BPGM: variants seen among roughly 807,000 people sequenced by gnomAD.
BPGM encodes 2,3-bisphosphoglycerate mutase, erythrocyte.
A neutral mutation model predicts 21.6 loss-of-function variants in BPGM; 15 were observed. The ratio of observed to expected loss-of-function variants is 0.70; its 90% CI spans 0.47 to 1.07. BPGM has a LOEUF of 1.07. Among genes scored for constraint, BPGM ranks in the 50% least tolerant of loss-of-function variants. The probability of loss-of-function intolerance (pLI) is 0.00; values close to 1 mark genes in which losing one functional copy is unlikely to be tolerated. For synonymous variants in BPGM, 113 were observed against 116.2 expected, an observed-to-expected ratio of 0.97 and a Z score of 0.18; for missense variants, 273 against 319.0, an observed-to-expected ratio of 0.86 and a Z score of 1.10.
intron 2 of BPGM, among the ~76,000 whole-genome samples, chr7:134,667,861 T>G (rs1795843924): frequency 6.6e-6 from 1 of 152,196 alleles, no homozygotes. Flanking sequence ...TGGTAACGGA[T>G]AGCATCAATG....
chr7:134,653,019 T>C (rs1045227775), intron 1 of BPGM, among the ~76,000 whole-genome samples: 15 of 152,198 alleles, frequency 9.9e-5, no homozygotes, highest in African/African-American at 3.6e-4. Context: ...ATCATATGTC[T>C]ACTACCTGTT....
At chr7:134,648,211 C>T (rs1445412213) in intron 1 of BPGM, among the ~76,000 whole-genome samples, 2 of 150,760 alleles carry the variant, frequency 1.3e-5, no homozygotes, top group Admixed American at 6.6e-5. Flanking sequence ...TATTGGCTCA[C>T]CGCAACCTCC....
chr7:134,663,369 T>TGC (rs1795766445), intron 2 of BPGM, among the ~76,000 whole-genome samples: 1 of 29,624 alleles, frequency 3.4e-5, no homozygotes, highest in African/African-American at 2.1e-4. Context: ...GCACTTGATA[T>TGC]GTGTGTGTGT....
chr7:134,662,082 G>A lies in BPGM; in HGVS notation c.575G>A (p.Ser192Asn), dbSNP rs1379114395. The A allele has an allele frequency of 4.3e-6, 7 of 1,614,038 alleles. No homozygotes were observed. The Admixed American group carries it at 1.0e-4, about 23-fold the overall frequency. The change falls in exon 2 of 3, where the codon AGT becomes AAT. Residue 192 changes from serine to asparagine, a missense_variant. Ser to Asn is a conservative substitution (Grantham distance 46). Transcript: ENST00000344924. ...CTGATATCTGCTCATGGAAATAGCA[G>A]TAGGGCACTCCTAAAACACCTGGAA... ...TILISAHGNS[S>N]RALLKHLEGI...
chr7:134,667,645 G>A (rs1795840660), intron 2 of BPGM, among the ~76,000 whole-genome samples: 1 of 152,190 alleles, frequency 6.6e-6, no homozygotes, highest in Non-Finnish European at 1.5e-5. Flanking sequence ...AAGCACAAAA[G>A]TTGCTAAATT....
intron 2 of BPGM, 54 bp downstream of exon 2, chr7:134,662,162 T>G (rs1311144992): frequency 6.2e-7 from 1 of 1,608,588 alleles, no homozygotes; most frequent in Non-Finnish European, 8.5e-7. Context: ...TATCTAGGCC[T>G]TAATCTAGAA....
intron 2 of BPGM, among the ~76,000 whole-genome samples, chr7:134,663,029 G>A (rs1795761002): frequency 1.3e-5 from 2 of 152,148 alleles, no homozygotes; most frequent in African/African-American, 4.8e-5. Context: ...TGCGTGATAT[G>A]CCCTGTCTGG....
intron 2 of BPGM, 129 bp from the exon 3 acceptor site, chr7:134,678,724 T>A: frequency 1.0e-6 from 1 of 952,412 alleles, no homozygotes. Flanking sequence ...GAATTATAGC[T>A]GGAATCCCTC....
chr7:134,657,181 G>A (rs1225178410), intron 1 of BPGM, among the ~76,000 whole-genome samples: 1 of 152,148 alleles, frequency 6.6e-6, no homozygotes, highest in Non-Finnish European at 1.5e-5. Context: ...ATTGTGCCTC[G>A]CATTATATCT....
At position 134,662,457 on chromosome 7, in the gene BPGM, T is replaced by C. The variant is rs974557219; in HGVS notation, c.601+349T>C. 3.9e-5 allele frequency among the ~76,000 whole-genome samples: 6 copies of C among 152,230 alleles called. No individual in the cohort carries two copies. In the East Asian group the frequency reaches 7.7e-4, roughly 20 times the overall value. On this transcript the variant is annotated intron_variant, in intron 2 of 2. Transcript: ENST00000344924. ...TTTTAGGTGATGCTGATACTGCTGA[T>C]TGGGGTTCCACACTTTGAGAAGCAC...
rs1305207815 is a variant in BPGM, at chr7:134,656,177, A to G, written c.-61-5270A>G. 4.6e-5 allele frequency among the ~76,000 whole-genome samples: 7 copies of G among 152,214 alleles called. No individual in the cohort carries two copies. In the South Asian group the frequency reaches 1.0e-3, roughly 22 times the overall value. The stretch of plus-strand genomic sequence containing the variant: ...GCAATCTGTTTAATTTGATTTTGAT[A>G]TACATTAAAGTTTGAGAACCACTGG... On this transcript the variant is annotated intron_variant, in intron 1 of 2. Coordinates refer to ENST00000344924, the MANE Select transcript of BPGM (RefSeq NM_001724.5).
Position 134,660,259 on chromosome 7 carries a change from A to G in BPGM, c.-61-1188A>G, listed in dbSNP as rs114285641. 9.8e-3 allele frequency among the ~76,000 whole-genome samples: 1,491 copies of G among 152,284 alleles called. 26 individuals are homozygous for G. The highest frequency in any genetic ancestry group is 0.034 in the African/African-American group (1,405 of 41,558). ...TTTACTGTGGGTGACTCACAGTTTA[A>G]GTGGGAGAGAAAATCTCCAGTTAAT... On this transcript the variant is annotated intron_variant, in intron 1 of 2. Coordinates refer to ENST00000344924, the MANE Select transcript of BPGM (RefSeq NM_001724.5).
intron 2 of BPGM, among the ~76,000 whole-genome samples, chr7:134,671,698 T>C (rs1296187806): frequency 3.3e-5 from 5 of 152,170 alleles, no homozygotes; most frequent in Non-Finnish European, 7.4e-5. Flanking sequence ...TAGTTATATG[T>C]AAAAAGTAGA....
chr7:134,676,866 C>G (rs1274212797), intron 2 of BPGM, among the ~76,000 whole-genome samples: 1 of 152,170 alleles, frequency 6.6e-6, no homozygotes, highest in Non-Finnish European at 1.5e-5. Flanking sequence ...TTGACTTCCC[C>G]TCCTGCTCTT....
intron 2 of BPGM, among the ~76,000 whole-genome samples, chr7:134,663,385 T>TGTGC (rs3839672): frequency 6.6e-6 from 1 of 151,942 alleles, no homozygotes; most frequent in South Asian, 2.1e-4. Context: ...TGTGTGTGTG[T>TGTGC]TTGTGTGTGT....
chr7:134,671,105 A>G (rs7783456), intron 2 of BPGM, among the ~76,000 whole-genome samples: 84,862 of 151,890 alleles, frequency 0.56, 24,633 homozygotes, highest in East Asian at 0.77. Context: ...GGCTTCAACA[A>G]TAAAAGACTA....
At chr7:134,648,115 T>G (rs944234575) in intron 1 of BPGM, among the ~76,000 whole-genome samples, 4 of 143,544 alleles carry the variant, frequency 2.8e-5, no homozygotes, top group African/African-American at 1.1e-4. Flanking sequence ...TTTTCTTTCT[T>G]TCTTTCTTTT....
chr7:134,648,514 T>A (rs1335388985), intron 1 of BPGM, among the ~76,000 whole-genome samples: 1 of 152,170 alleles, frequency 6.6e-6, no homozygotes, highest in African/African-American at 2.4e-5. Flanking sequence ...TAGCACCTCA[T>A]ACACCGCAGA....
intron 1 of BPGM, among the ~76,000 whole-genome samples, chr7:134,648,855 A>C (rs1041841196): frequency 1.3e-5 from 2 of 152,222 alleles, no homozygotes; most frequent in African/African-American, 4.8e-5. Flanking sequence ...TCTGAGATAT[A>C]AACTCTGTAT....
Sources: gnomAD v4.1 joint callset for allele counts (sites outside exome capture counted in the v4.1 genomes callset) on GRCh38, gnomAD v4.1.1 for gene constraint, MANE v1.5 for transcripts, NCBI Gene and HGNC (gene_info 2026-07-23, HGNC 2026-07-21) for gene names.